The following NLRC3 variants were observed in gnomAD, a reference collection of about 807,000 sequenced individuals.
NLRC3 encodes the protein NLR family CARD domain-containing protein 3.
In NLRC3, 87 loss-of-function variants were observed where a neutral mutation model predicts 91.6. The ratio of observed to expected loss-of-function variants is 0.95; its 90% confidence interval spans 0.80 to 1.14. The LOEUF (loss-of-function observed/expected upper bound fraction) is 1.14, where lower values mean the gene tolerates loss of function less well. Among genes scored for constraint, NLRC3 ranks in the 50% most tolerant of loss-of-function variants. The pLI is 0.00. For missense variants in NLRC3, 1,577 were observed against 1,418.6 expected (o/e 1.11, Z -1.79); for synonymous variants, 694 against 625.3 (o/e 1.11, Z -1.64).
At position 3,556,543 on chromosome 16, in the gene NLRC3, C is replaced by T. The variant is rs552824432; in HGVS notation, c.2183+368G>A. 7.3e-5 allele frequency among the ~76,000 whole-genome samples: 11 copies of T among 151,626 alleles called. No homozygotes were observed. The South Asian group carries it at 2.3e-3, about 32-fold the overall frequency. On this transcript the variant is annotated intron_variant, in intron 8 of 19. Transcript: ENST00000359128. ...GCTTGTTGAGAGAGTTTCACTCTGT[C>T]ACCCAGGCTGGAGTGTAGTGGCGCG...
chr16:3,559,672 T>C (rs1348898588), intron 6 of NLRC3, among the ~76,000 whole-genome samples: 2 of 150,002 alleles, frequency 1.3e-5, no homozygotes, highest in East Asian at 3.9e-4. Flanking sequence ...GGGGTCTTGC[T>C]CTGTCACCTC....
Position 3,577,307 on chromosome 16 carries a change from C to T in NLRC3, c.-327G>A. ...GTTCTCAGGACCAGGGATCAGGGCA[C>T]TTACCACGCCAACCAACCAACCGTG... On this transcript the variant is annotated 5_prime_UTR_variant, in exon 1 of 20. In the 5' UTR this introduces an upstream ATG that the reference lacks. Transcript: ENST00000359128. The T allele has an allele frequency of 3.0e-6, 2 of 661,536 alleles. No individual in the cohort carries two copies. Among genetic ancestry groups the T allele is most frequent in the East Asian group, 2.7e-5 (1 of 36,898 alleles). 41.0% of individuals were successfully genotyped at this position (661,536 alleles called of 1,614,324 possible). A position where few individuals can be genotyped will look rare whatever the true frequency, so the allele number is the denominator to read the frequency against.
intron 1 of NLRC3, among the ~76,000 whole-genome samples, chr16:3,569,640 C>T (rs2040028363): frequency 6.6e-6 from 1 of 151,720 alleles, no homozygotes; most frequent in Admixed American, 6.6e-5. Flanking sequence ...TCAAGTGATC[C>T]ACCCGTTTTG....
intron 1 of NLRC3, among the ~76,000 whole-genome samples, chr16:3,576,834 T>C (rs369329865): frequency 3.6e-4 from 55 of 152,132 alleles, no homozygotes; most frequent in African/African-American, 1.3e-3. Context: ...GCCTGGCTAA[T>C]TTATTTTTTA....
chr16:3,545,859 G>T (rs1445169849), intron 15 of NLRC3: 1 of 152,306 alleles, frequency 6.6e-6, no homozygotes, highest in Non-Finnish European at 1.5e-5. Flanking sequence ...CCACCCTGAG[G>T]GGCTGTGTGT....
At chr16:3,556,624 C>G (rs1596465815) in intron 8 of NLRC3, among the ~76,000 whole-genome samples, 2 of 152,266 alleles carry the variant, frequency 1.3e-5, no homozygotes, top group South Asian at 2.1e-4. Context: ...CCTACCTTAG[C>G]CTCCCGAGTT....
intron 13 of NLRC3, 58 bp from the exon 14 acceptor site, chr16:3,548,811 C>G: frequency 8.1e-7 from 1 of 1,234,716 alleles, no homozygotes. Flanking sequence ...GCCTCCGGTC[C>G]TTGGTCACCA....
chr16:3,542,756 C>T lies in NLRC3; in HGVS notation c.2959G>A (p.Gly987Arg), dbSNP rs755695426. 6.8e-6 allele frequency: 11 copies of T among 1,607,884 alleles called. No individual in the cohort carries two copies. Among genetic ancestry groups the T allele is most frequent in the African/African-American group, 4.0e-5 (3 of 74,832 alleles). ...EILDLRGNAI[G>R]VAGAKALANA... Reference sequence around the variant, plus strand: ...GCCAGGGCTTTGGCTCCAGCCACCCCAATGGCATTTCCTCTTAAGCTGTTG... The same window carrying T: ...GCCAGGGCTTTGGCTCCAGCCACCCTAATGGCATTTCCTCTTAAGCTGTTG... Residue 987 changes from glycine to arginine, a missense_variant, in exon 18 of 20, where the codon GGG (glycine) becomes AGG (arginine). Coordinates refer to ENST00000359128, the MANE Select transcript of NLRC3 (RefSeq NM_178844.4).
intron 15 of NLRC3, among the ~76,000 whole-genome samples, chr16:3,546,394 T>TAA (rs57467448): frequency 9.7e-5 from 13 of 134,162 alleles, no homozygotes; most frequent in African/African-American, 1.9e-4. Flanking sequence ...CCGTCTCTAT[T>TAA]AAAAAAAAAA....
chr16:3,560,779 C>T (rs1425797442), intron 6 of NLRC3, among the ~76,000 whole-genome samples: 2 of 151,586 alleles, frequency 1.3e-5, no homozygotes, highest in East Asian at 4.0e-4. Flanking sequence ...CCTGCCTCAG[C>T]CTCCTGAGTA....
chr16:3,544,235 C>G lies in NLRC3; in HGVS notation c.2855+11G>C, dbSNP rs374631274. On this transcript the variant is annotated intron_variant, in intron 16 of 19. Coordinates refer to ENST00000359128, the MANE Select transcript of NLRC3 (RefSeq NM_178844.4). ...CCGGTTTCCTGACTGCTGCGCACATCTAGGACTTACTAGAGAGCAGTGAGG... is the reference window on the plus strand; with the variant it reads ...CCGGTTTCCTGACTGCTGCGCACATGTAGGACTTACTAGAGAGCAGTGAGG... 5 of 1,548,060 alleles carry G rather than the reference C, an allele frequency of 3.2e-6. No homozygotes were observed. In the African/African-American group the frequency reaches 5.4e-5, roughly 17 times the overall value.
chr16:3,573,475 C>T (rs2040172947), intron 1 of NLRC3, among the ~76,000 whole-genome samples: 1 of 152,184 alleles, frequency 6.6e-6, no homozygotes, highest in African/African-American at 2.4e-5. Context: ...AAAGGTATGT[C>T]AGCCCAAATG....
chr16:3,561,028 A>C (rs1395728422), intron 6 of NLRC3, among the ~76,000 whole-genome samples: 1 of 152,170 alleles, frequency 6.6e-6, no homozygotes, highest in East Asian at 1.9e-4. Context: ...AATTTTAATT[A>C]AATTAAATTT....
intron 1 of NLRC3, among the ~76,000 whole-genome samples, chr16:3,568,208 G>C (rs1410227925): frequency 6.6e-6 from 1 of 152,132 alleles, no homozygotes; most frequent in Non-Finnish European, 1.5e-5. Flanking sequence ...GTAAAAATAA[G>C]TAAAACAGTA....
intron 1 of NLRC3, among the ~76,000 whole-genome samples, chr16:3,573,706 G>A (rs1596499919): frequency 1.3e-5 from 2 of 152,118 alleles, no homozygotes; most frequent in Admixed American, 1.3e-4. Flanking sequence ...GGCATCATTT[G>A]GGGTCTTATT....
intron 1 of NLRC3, among the ~76,000 whole-genome samples, chr16:3,575,460 T>TG (rs2040252326): frequency 6.6e-6 from 1 of 152,156 alleles, no homozygotes; most frequent in Non-Finnish European, 1.5e-5. Flanking sequence ...CGGGTTGCTT[T>TG]GGGGGATCTG....
chr16:3,548,051 G>T, intron 15 of NLRC3, 84 bp downstream of exon 15: 1 of 880,256 alleles, frequency 1.1e-6, no homozygotes. Flanking sequence ...ACTGGATTGA[G>T]CCTCTGCCTG....
intron 1 of NLRC3, among the ~76,000 whole-genome samples, chr16:3,575,773 G>A (rs763292435): frequency 2.6e-5 from 4 of 152,172 alleles, no homozygotes; most frequent in Non-Finnish European, 4.4e-5. Context: ...AGTCCTTGCC[G>A]GGACCTGCTG....
rs2039815234 is a variant in NLRC3 at position 3,564,999 on chromosome 16, C to G, written c.38G>C (p.Gly13Ala). Residue 13 changes from glycine to alanine, a missense_variant, in exon 4 of 20, where the codon GGC (glycine) becomes GCC (alanine). By Grantham distance (60) the Gly-to-Ala change is moderately conservative. Transcript: ENST00000359128. This position sits in a 1 kb window ranked among gnomAD's most constrained non-coding sequence, Gnocchi z 5.9. Reference sequence around the variant, plus strand: ...TGGGGAGCCCGTACCGTGGCCCTGGCCGGCCTCCCTGCCCGTCCGCACCTC... The same window carrying G: ...TGGGGAGCCCGTACCGTGGCCCTGGGCGGCCTCCCTGCCCGTCCGCACCTC... ...KQEVRTGREAGQGHGTGSPAE... is the reference protein window; with the variant it reads ...KQEVRTGREAAQGHGTGSPAE... The G allele has an allele frequency of 6.2e-7, 1 of 1,610,226 alleles. No homozygotes were observed. The highest frequency in any genetic ancestry group is 8.5e-7 in the Non-Finnish European group (1 of 1,179,722).
Sources: allele counts gnomAD v4.1 joint callset (sites outside exome capture counted in the v4.1 genomes callset), GRCh38; gene constraint gnomAD v4.1.1; non-coding constraint Gnocchi (gnomAD v3.1); transcripts MANE v1.5; gene names NCBI Gene and HGNC (gene_info 2026-07-23, HGNC 2026-07-21).